Variants in KCNMA1 observed in about 807,000 individuals in gnomAD.
KCNMA1 encodes potassium calcium-activated channel subfamily M alpha 1, also known as Calcium-activated potassium channel subunit alpha-1.
In KCNMA1, 29 loss-of-function variants were observed where a neutral mutation model predicts 140.0. That is an observed-to-expected ratio of 0.21 (90% CI 0.15 to 0.28). The LOEUF (loss-of-function observed/expected upper bound fraction) is 0.28. Among genes scored for constraint, KCNMA1 ranks in the 10% least tolerant of loss-of-function variants. The pLI is 1.00. For missense variants in KCNMA1, 880 were observed against 1,602.2 expected, an observed-to-expected ratio of 0.55 and a Z score of 7.70; for synonymous variants, 612 against 611.9, an observed-to-expected ratio of 1.00 and a Z score of 0.00.
chr10:77,362,362 ACCC>A (rs1254986934), intron 2 of KCNMA1, among the ~76,000 whole-genome samples: 1 of 8,216 alleles, frequency 1.2e-4, no homozygotes, highest in African/African-American at 4.7e-4. Context: ...CACCCCCCCC[ACCC>A]CACACACACA....
At chr10:77,303,921 G>A (rs555295863) in intron 2 of KCNMA1, among the ~76,000 whole-genome samples, 6 of 152,300 alleles carry the variant, frequency 3.9e-5, no homozygotes, top group African/African-American at 1.2e-4. Context: ...AACATCATCA[G>A]CTTTTCACAT....
chr10:77,196,136 G>A (rs1565145635), intron 3 of KCNMA1, among the ~76,000 whole-genome samples: 1 of 152,074 alleles, frequency 6.6e-6, no homozygotes, highest in African/African-American at 2.4e-5. Context: ...CTCTAGAGAT[G>A]TTATTCCTAT....
intron 2 of KCNMA1, among the ~76,000 whole-genome samples, chr10:77,279,135 C>G (rs1162322612): frequency 6.6e-6 from 1 of 152,170 alleles, no homozygotes; most frequent in Non-Finnish European, 1.5e-5. Flanking sequence ...TAAGCTTCGA[C>G]AAGACCAATT....
intron 3 of KCNMA1, among the ~76,000 whole-genome samples, chr10:77,197,760 A>C (rs1180629849): frequency 1.3e-5 from 2 of 152,132 alleles, no homozygotes; most frequent in African/African-American, 4.8e-5. Context: ...GCAAATGAAA[A>C]CCACAGCTTG....
At chr10:77,580,900 T>C (rs1452094472) in intron 1 of KCNMA1, among the ~76,000 whole-genome samples, 6 of 152,260 alleles carry the variant, frequency 3.9e-5, no homozygotes, top group Non-Finnish European at 8.8e-5. Flanking sequence ...TGCATTATTA[T>C]CTTTCCTAAA....
At chr10:77,262,449 T>C (rs1227210714) in intron 2 of KCNMA1, among the ~76,000 whole-genome samples, 1 of 152,072 alleles carries the variant, frequency 6.6e-6, no homozygotes, top group African/African-American at 2.4e-5. Context: ...GGGTACAGAG[T>C]TTCTGTTTTG....
At chr10:77,402,072 C>T (rs977368147) in intron 2 of KCNMA1, among the ~76,000 whole-genome samples, 2 of 152,204 alleles carry the variant, frequency 1.3e-5, no homozygotes, top group East Asian at 1.9e-4. Context: ...ACAAGTGTCA[C>T]ATTTGTGCAG....
chr10:77,453,554 C>T (rs762877690), intron 1 of KCNMA1, among the ~76,000 whole-genome samples: 51 of 152,044 alleles, frequency 3.4e-4, no homozygotes, highest in Admixed American at 6.6e-4. Flanking sequence ...GAAGTGAGCC[C>T]TACAGTTGCC....
intron 18 of KCNMA1, among the ~76,000 whole-genome samples, chr10:77,009,376 G>A (rs1235030997): frequency 6.6e-6 from 1 of 152,122 alleles, no homozygotes; most frequent in Non-Finnish European, 1.5e-5. Context: ...AAATACCCTA[G>A]AGGCCAAATC....
chr10:77,004,025 G>A (rs533713716), intron 18 of KCNMA1, among the ~76,000 whole-genome samples: 10 of 152,222 alleles, frequency 6.6e-5, no homozygotes, highest in African/African-American at 1.9e-4. Flanking sequence ...GGAACAGGCT[G>A]AAACTGGTAA....
intron 1 of KCNMA1, among the ~76,000 whole-genome samples, chr10:77,633,172 A>G (rs1266174189): frequency 1.3e-5 from 2 of 152,156 alleles, no homozygotes; most frequent in East Asian, 3.9e-4. Flanking sequence ...AAAATTAGCC[A>G]GGTGTGGCAG....
At chr10:77,210,603 A>C (rs539758940) in intron 3 of KCNMA1, among the ~76,000 whole-genome samples, 1 of 152,328 alleles carries the variant, frequency 6.6e-6, no homozygotes, top group South Asian at 2.1e-4. Context: ...GCAACCAAAT[A>C]GGAAAAGAAG....
chr10:77,266,668 G>A lies in KCNMA1; in HGVS notation c.541-15412C>T, dbSNP rs193045614. On this transcript the variant is annotated intron_variant, in intron 2 of 27. Coordinates refer to ENST00000286628, the MANE Select transcript of KCNMA1 (RefSeq NM_001161352.2). ...ACTCTTAGGCTTCCCTAATTACCCT[G>A]AATCTGCTACTTCACCCAAGGGACC... 1.0e-3 allele frequency among the ~76,000 whole-genome samples: 154 copies of A among 152,226 alleles called. 1 individual carries two copies. Among genetic ancestry groups the A allele is most frequent in the African/African-American group, 3.6e-3 (149 of 41,548 alleles).
At chr10:77,589,759 C>T (rs952673012) in intron 1 of KCNMA1, among the ~76,000 whole-genome samples, 3 of 152,208 alleles carry the variant, frequency 2.0e-5, no homozygotes, top group East Asian at 1.9e-4. Context: ...CAGACCTTCG[C>T]GGTGTTACAG....
chr10:77,139,112 C>T (rs113323828), intron 5 of KCNMA1, among the ~76,000 whole-genome samples: 2 of 152,184 alleles, frequency 1.3e-5, no homozygotes, highest in Non-Finnish European at 2.9e-5. Flanking sequence ...TGAGTACTCA[C>T]TACTGAAAAT....
At chr10:77,019,172 A>G (rs2153481280) in intron 16 of KCNMA1, 73 bp from the exon 17 acceptor site, 1 of 846,504 alleles carries the variant, frequency 1.2e-6, no homozygotes, top group Non-Finnish European at 2.0e-6. Flanking sequence ...CTTGAAGGCT[A>G]CACCATACTG....
At chr10:77,123,203 A>AAG (rs1489517404) in intron 5 of KCNMA1, among the ~76,000 whole-genome samples, 1 of 135,296 alleles carries the variant, frequency 7.4e-6, no homozygotes, top group Non-Finnish European at 1.7e-5. Context: ...AAAAAAAAAA[A>AAG]AAAAAAAAAA....
chr10:77,589,417 A>G (rs980675541), intron 1 of KCNMA1, among the ~76,000 whole-genome samples: 2 of 152,104 alleles, frequency 1.3e-5, no homozygotes, highest in South Asian at 4.2e-4. Flanking sequence ...TTCCAACTGC[A>G]CAAACAACGT....
At chr10:77,542,764 G>A (rs1259508549) in intron 1 of KCNMA1, among the ~76,000 whole-genome samples, 3 of 152,168 alleles carry the variant, frequency 2.0e-5, no homozygotes, top group African/African-American at 4.8e-5. Flanking sequence ...GGGTGAGGGT[G>A]GGGGCAGGAA....
Sources: allele counts gnomAD v4.1 joint callset (sites outside exome capture counted in the v4.1 genomes callset), GRCh38; gene constraint gnomAD v4.1.1; transcripts MANE v1.5; gene names NCBI Gene and HGNC (gene_info 2026-07-23, HGNC 2026-07-21).